The following PDE4D variants were observed in gnomAD, a reference collection of about 807,000 sequenced individuals.
The protein encoded by PDE4D is 3',5'-cyclic-AMP phosphodiesterase 4D.
A neutral mutation model predicts 87.4 loss-of-function variants in PDE4D; 24 were observed. The observed-to-expected ratio is 0.27, with a 90% CI of 0.20 to 0.39. PDE4D has a LOEUF of 0.39. Ranked by LOEUF, PDE4D falls within the 10% of genes least tolerant of loss-of-function variation. The probability of loss-of-function intolerance (pLI) is 1.00; values close to 1 mark genes in which losing one functional copy is unlikely to be tolerated. For missense variants in PDE4D, 714 were observed against 1,041.0 expected, an observed-to-expected ratio of 0.69 and a Z score of 4.32; for synonymous variants, 384 against 383.2, an observed-to-expected ratio of 1.00 and a Z score of -0.02.
intron 1 of PDE4D, among the ~76,000 whole-genome samples, chr5:59,750,832 A>G (rs1760336264): frequency 6.6e-6 from 1 of 150,656 alleles, no homozygotes; most frequent in African/African-American, 2.4e-5. Flanking sequence ...GCTACCTGAG[A>G]GGTTGAGGTG....
Position 59,542,066 on chromosome 5 carries a change from C to T in PDE4D, c.456-326098G>A, listed in dbSNP as rs535117834. Among the ~76,000 whole-genome samples the T allele has an allele frequency of 1.4e-4, 21 of 152,228 alleles. No individual in the cohort carries two copies. The South Asian group carries it at 1.7e-3, about 12-fold the overall frequency. On this transcript the variant is annotated intron_variant, in intron 1 of 14. Transcript: ENST00000340635. ...TAACCCCAAATAGCCTAATCTATGC[C>T]GGGCCCTCTTATGCCCTTTTGATAC...
At chr5:59,333,309 G>A (rs1169089945) in intron 1 of PDE4D, among the ~76,000 whole-genome samples, 1 of 152,036 alleles carries the variant, frequency 6.6e-6, no homozygotes, top group Non-Finnish European at 1.5e-5. Context: ...TTTTCCCTCA[G>A]GGATTGTTAT....
chr5:60,204,314 ATTC>A (rs1424376324), intron 1 of PDE4D, among the ~76,000 whole-genome samples: 2 of 152,058 alleles, frequency 1.3e-5, no homozygotes, highest in South Asian at 2.1e-4. Context: ...CTATCTATCT[ATTC>A]TTCTTTTCAC....
intron 1 of PDE4D, among the ~76,000 whole-genome samples, chr5:60,241,441 T>G (rs1583186216): frequency 6.6e-6 from 1 of 152,102 alleles, no homozygotes; most frequent in African/African-American, 2.4e-5. Flanking sequence ...ACTTGGCTAA[T>G]TTTTGTATTT....
At chr5:59,471,250 G>C (rs1033845321) in intron 1 of PDE4D, among the ~76,000 whole-genome samples, 2 of 151,960 alleles carry the variant, frequency 1.3e-5, no homozygotes, top group African/African-American at 2.4e-5. Flanking sequence ...GTCTCAAAAA[G>C]AAAAAGAAAA....
chr5:59,356,648 A>AT, intron 1 of PDE4D: 2 of 808,912 alleles, frequency 2.5e-6, no homozygotes, highest in Non-Finnish European at 3.7e-6. Flanking sequence ...TATATTGTCA[A>AT]TTTAACAAGC....
At chr5:60,329,953 G>A (rs1039166075) in intron 1 of PDE4D, among the ~76,000 whole-genome samples, 8 of 152,226 alleles carry the variant, frequency 5.3e-5, no homozygotes, top group East Asian at 3.8e-4. Context: ...TCTTTAACCA[G>A]TTAAGCCTGT....
chr5:59,372,318 T>A (rs778986664), intron 1 of PDE4D, among the ~76,000 whole-genome samples: 37 of 152,204 alleles, frequency 2.4e-4, no homozygotes, highest in Admixed American at 3.9e-4. Context: ...CAATTGTAAT[T>A]TGAGGATATA....
intron 2 of PDE4D, among the ~76,000 whole-genome samples, chr5:60,152,249 CA>C (rs1326907589): frequency 2.6e-5 from 4 of 152,128 alleles, no homozygotes; most frequent in African/African-American, 7.2e-5. Context: ...GCTTTAGAAT[CA>C]AGGTAACATT....
chr5:59,708,477 T>C (rs1753761956), intron 1 of PDE4D, among the ~76,000 whole-genome samples: 1 of 152,140 alleles, frequency 6.6e-6, no homozygotes. Flanking sequence ...TGATCTTCCA[T>C]GTAAGACGCT....
intron 2 of PDE4D, among the ~76,000 whole-genome samples, chr5:60,102,660 G>C (rs1776351634): frequency 6.6e-6 from 1 of 152,134 alleles, no homozygotes. Flanking sequence ...TTATCAAAAA[G>C]AAAGGATAGA....
intron 2 of PDE4D, among the ~76,000 whole-genome samples, chr5:60,141,496 C>T (rs554425107): frequency 1.8e-4 from 27 of 152,288 alleles, no homozygotes; most frequent in South Asian, 4.1e-4. Context: ...GGATTATAGA[C>T]TTGTTCCAAT....
chr5:59,876,246 T>C (rs147014720), intron 1 of PDE4D, among the ~76,000 whole-genome samples: 1 of 152,268 alleles, frequency 6.6e-6, no homozygotes, highest in East Asian at 1.9e-4. Flanking sequence ...TGTGCAAAGC[T>C]TCTAGGAGTA....
intron 1 of PDE4D, among the ~76,000 whole-genome samples, chr5:59,252,971 A>G (rs1056728547): frequency 2.0e-5 from 3 of 152,274 alleles, no homozygotes; most frequent in Admixed American, 6.5e-5. Flanking sequence ...ACGTGCACAC[A>G]CAGTCGTAGC....
chr5:59,317,470 C>T (rs1240604756), intron 1 of PDE4D, among the ~76,000 whole-genome samples: 2 of 152,086 alleles, frequency 1.3e-5, no homozygotes, highest in Non-Finnish European at 2.9e-5. Flanking sequence ...TATTACAAGA[C>T]CTATTTCAGG....
chr5:60,073,436 T>C (rs1018178251), intron 2 of PDE4D, among the ~76,000 whole-genome samples: 3 of 152,062 alleles, frequency 2.0e-5, no homozygotes, highest in African/African-American at 7.2e-5. Flanking sequence ...GATTATTGTA[T>C]GCATGTTCAT....
At chr5:59,522,027 A>C (rs1374524091) in intron 1 of PDE4D, among the ~76,000 whole-genome samples, 1 of 152,314 alleles carries the variant, frequency 6.6e-6, no homozygotes, top group East Asian at 1.9e-4. Context: ...TTTAAAAAAA[A>C]CTCAGGTTTG....
intron 1 of PDE4D, among the ~76,000 whole-genome samples, chr5:59,367,923 G>C (rs991807139): frequency 3.9e-5 from 6 of 152,198 alleles, no homozygotes; most frequent in African/African-American, 1.4e-4. Flanking sequence ...AATCCACTTC[G>C]TGCCAGTCTG....
intron 2 of PDE4D, among the ~76,000 whole-genome samples, chr5:60,074,919 T>G (rs1452796140): frequency 6.6e-6 from 1 of 152,188 alleles, no homozygotes; most frequent in African/African-American, 2.4e-5. Context: ...ATGGGTCTCT[T>G]GAAGACAGCA....
Sources: allele counts gnomAD v4.1 joint callset (sites outside exome capture counted in the v4.1 genomes callset), GRCh38; gene constraint gnomAD v4.1.1; transcripts MANE v1.5; gene names NCBI Gene and HGNC (gene_info 2026-07-23, HGNC 2026-07-21).